BMPR1B: variants seen among roughly 807,000 people sequenced by gnomAD.
BMPR1B encodes bone morphogenetic protein receptor type-1B.
A neutral mutation model predicts 59.1 loss-of-function variants in BMPR1B; 12 were observed. The observed-to-expected ratio is 0.20, with a 90% CI of 0.13 to 0.33. The LOEUF (loss-of-function observed/expected upper bound fraction) is 0.33, where lower values mean the gene tolerates loss of function less well. Ranked by LOEUF, BMPR1B falls within the 10% of genes least tolerant of loss-of-function variation. The pLI is 1.00. For synonymous variants in BMPR1B, 237 were observed against 207.3 expected (o/e 1.14, Z -1.23); for missense variants, 550 against 610.9 (o/e 0.90, Z 1.05).
chr4:95,122,082 G>T (rs562910178), intron 6 of BMPR1B, among the ~76,000 whole-genome samples: 79 of 152,230 alleles, frequency 5.2e-4, no homozygotes, highest in African/African-American at 1.9e-3. Flanking sequence ...AGTGGTTCAC[G>T]CCTGTAATCC....
At position 95,085,468 on chromosome 4, in the gene BMPR1B, A is replaced by T. The variant is rs114544070; in HGVS notation, c.-17-18940A>T. Among the ~76,000 whole-genome samples, 411 of 152,306 alleles carry T rather than the reference A, an allele frequency of 2.7e-3. 3 individuals are homozygous for T. Among genetic ancestry groups the T allele is most frequent in the African/African-American group, 9.6e-3 (399 of 41,574 alleles). ...AGAATACCAAAGTTTTTGAGAAACC[A>T]CTGGAAAACAAGAAATCAAGAAGGA... On this transcript the variant is annotated intron_variant, in intron 3 of 12. Transcript: ENST00000515059.
intron 1 of BMPR1B, among the ~76,000 whole-genome samples, chr4:94,854,642 C>T (rs554946514): frequency 1.5e-3 from 231 of 152,274 alleles, no homozygotes; most frequent in African/African-American, 5.3e-3. Context: ...TTTTCACTCT[C>T]ATGAGTCCAG....
chr4:94,905,550 C>G (rs892765447), intron 2 of BMPR1B, among the ~76,000 whole-genome samples: 2 of 151,906 alleles, frequency 1.3e-5, no homozygotes, highest in Non-Finnish European at 2.9e-5. Flanking sequence ...TTTGACTACT[C>G]AGATCTTACA....
intron 11 of BMPR1B, among the ~76,000 whole-genome samples, chr4:95,150,454 GA>G (rs67483429): frequency 0.18 from 23,152 of 130,982 alleles, 4,405 homozygotes; most frequent in African/African-American, 0.52. Flanking sequence ...TATTTAAAAA[GA>G]AAAAAAAAAA....
In BMPR1B at chr4:95,157,375, A is replaced by G. The variant is rs575346915; in HGVS notation, c.*2702A>G. The G allele has an allele frequency of 5.3e-5, 8 of 152,186 alleles. No individual in the cohort carries two copies. The highest frequency in any genetic ancestry group is 4.6e-4 in the Admixed American group (7 of 15,284). The allele number at this position is 152,186 out of a possible 1,614,324, so 9.4% of individuals were successfully genotyped here. ...GTTCTTAAAGACTACTCATTTCCCAATAATCCTTTATGATTTCAAAATTTC... is the reference window on the plus strand; with the variant it reads ...GTTCTTAAAGACTACTCATTTCCCAGTAATCCTTTATGATTTCAAAATTTC... On this transcript the variant is annotated 3_prime_UTR_variant, in exon 13 of 13. Transcript: ENST00000515059.
chr4:94,915,916 C>T (rs1040014155), intron 2 of BMPR1B, among the ~76,000 whole-genome samples: 10 of 152,068 alleles, frequency 6.6e-5, no homozygotes, highest in African/African-American at 1.2e-4. Context: ...AGTGAGTGCT[C>T]GGGAGATCTG....
chr4:94,977,479 C>CT (rs5741894), intron 2 of BMPR1B, among the ~76,000 whole-genome samples: 20 of 138,860 alleles, frequency 1.4e-4, no homozygotes, highest in East Asian at 6.2e-4. Context: ...AGCAAGATGC[C>CT]TTTTTTTTTT....
At chr4:94,821,932 A>G (rs556337199) in intron 1 of BMPR1B, among the ~76,000 whole-genome samples, 4 of 152,328 alleles carry the variant, frequency 2.6e-5, no homozygotes, top group Admixed American at 6.5e-5. Flanking sequence ...TGTGCTGTGC[A>G]TAGCTCTGTG....
intron 2 of BMPR1B, among the ~76,000 whole-genome samples, chr4:94,934,766 T>C (rs1448826319): frequency 6.6e-6 from 1 of 152,170 alleles, no homozygotes; most frequent in African/African-American, 2.4e-5. Context: ...AAGTGGAATT[T>C]TATTCCATCA....
chr4:95,087,209 G>A (rs760244030), intron 3 of BMPR1B, among the ~76,000 whole-genome samples: 2 of 151,956 alleles, frequency 1.3e-5, no homozygotes, highest in Middle Eastern at 3.2e-3. Flanking sequence ...TGTATTTTTA[G>A]TGGAGACAGG....
At chr4:94,901,385 C>A (rs181434337) in intron 2 of BMPR1B, among the ~76,000 whole-genome samples, 53 of 152,038 alleles carry the variant, frequency 3.5e-4, no homozygotes, top group African/African-American at 1.2e-3. Flanking sequence ...GAATAAGACT[C>A]CTTCCTTGTG....
chr4:94,951,622 T>C (rs1445938231), intron 2 of BMPR1B, among the ~76,000 whole-genome samples: 1 of 152,152 alleles, frequency 6.6e-6, no homozygotes, highest in Non-Finnish European at 1.5e-5. Context: ...TTGATCGTGG[T>C]GGATAAGGTT....
chr4:95,024,597 A>G (rs1004981015), intron 3 of BMPR1B, among the ~76,000 whole-genome samples: 4 of 152,210 alleles, frequency 2.6e-5, no homozygotes, highest in African/African-American at 9.6e-5. Flanking sequence ...CTAAATATCA[A>G]TTATGCCAGT....
At chr4:95,103,795 C>G (rs1005335336) in intron 3 of BMPR1B, among the ~76,000 whole-genome samples, 1 of 152,064 alleles carries the variant, frequency 6.6e-6, no homozygotes, top group East Asian at 1.9e-4. Context: ...TTTCCCCATG[C>G]TGATGGGGAA....
chr4:94,907,672 T>C (rs981901873), intron 2 of BMPR1B, among the ~76,000 whole-genome samples: 3 of 152,004 alleles, frequency 2.0e-5, no homozygotes, highest in South Asian at 2.1e-4. Context: ...CATGTTGTTA[T>C]CATGTGTGTA....
intron 1 of BMPR1B, among the ~76,000 whole-genome samples, chr4:94,826,168 T>A (rs796433175): frequency 6.6e-6 from 1 of 152,260 alleles, no homozygotes; most frequent in Admixed American, 6.5e-5. Flanking sequence ...TTTTCAAAGA[T>A]AATGTGAAGC....
intron 1 of BMPR1B, among the ~76,000 whole-genome samples, chr4:94,798,837 C>T (rs957378809): frequency 2.2e-4 from 33 of 151,848 alleles, no homozygotes; most frequent in Admixed American, 5.9e-4. Context: ...TTTACTCTCC[C>T]TTCCCCGCAG....
chr4:94,920,481 A>G (rs1299017576), intron 2 of BMPR1B, among the ~76,000 whole-genome samples: 3 of 152,174 alleles, frequency 2.0e-5, no homozygotes, highest in East Asian at 1.9e-4. Flanking sequence ...AGCCGGCTAC[A>G]TTGGCTTTTT....
intron 2 of BMPR1B, among the ~76,000 whole-genome samples, chr4:94,956,504 TG>T (rs1454722763): frequency 1.3e-5 from 2 of 152,200 alleles, no homozygotes; most frequent in Non-Finnish European, 1.5e-5. Context: ...CAGATTTTAA[TG>T]GTTTCTTGTT....
Sources: gnomAD v4.1 joint callset for allele counts (sites outside exome capture counted in the v4.1 genomes callset) on GRCh38, gnomAD v4.1.1 for gene constraint, MANE v1.5 for transcripts, NCBI Gene and HGNC (gene_info 2026-07-23, HGNC 2026-07-21) for gene names.